DPP10: variants seen among roughly 807,000 people sequenced by gnomAD.
DPP10 encodes inactive dipeptidyl peptidase 10.
Under a neutral mutation model 120.9 loss-of-function variants are expected in DPP10, and 33 were observed. That is an observed-to-expected ratio of 0.27 (90% CI 0.21 to 0.37). DPP10 has a LOEUF of 0.37. Ranked by LOEUF, DPP10 falls within the 10% of genes least tolerant of loss-of-function variation. The probability of loss-of-function intolerance (pLI) is 1.00; values close to 1 mark genes in which losing one functional copy is unlikely to be tolerated. For synonymous variants in DPP10, 337 were observed against 326.1 expected (o/e 1.03, Z -0.36); for missense variants, 816 against 942.8 (o/e 0.87, Z 1.76).
intron 7 of DPP10, among the ~76,000 whole-genome samples, chr2:115,709,634 AAT>A (rs1423119971): frequency 1.3e-5 from 2 of 149,614 alleles, no homozygotes. Context: ...ATAAAAAAAA[AAT>A]TGGATGGGAT....
Position 114,936,861 on chromosome 2 carries a change from C to T in DPP10, c.61-372378C>T, listed in dbSNP as rs143155234. Among the ~76,000 whole-genome samples the T allele has an allele frequency of 9.1e-4, 139 of 152,294 alleles. 1 individual carries two copies. Among genetic ancestry groups the T allele is most frequent in the Middle Eastern group, 3.4e-3 (1 of 294 alleles). On this transcript the variant is annotated intron_variant, in intron 1 of 25. Transcript: ENST00000410059. ...TCATTAGTAATACTGAGCATTTTTA[C>T]ATATGCTTGTTGACCATTTGTATAT...
intron 1 of DPP10, among the ~76,000 whole-genome samples, chr2:114,550,261 G>A (rs1366586246): frequency 6.6e-6 from 1 of 152,168 alleles, no homozygotes; most frequent in Non-Finnish European, 1.5e-5. Context: ...ATAGGACAAA[G>A]GGCCCTCTCC....
chr2:115,134,507 G>A (rs938294569), intron 1 of DPP10, among the ~76,000 whole-genome samples: 1 of 152,136 alleles, frequency 6.6e-6, no homozygotes, highest in African/African-American at 2.4e-5. Context: ...AGTCAGGTAT[G>A]TTTCCTGGCT....
chr2:114,723,388 T>C (rs980895769), intron 1 of DPP10, among the ~76,000 whole-genome samples: 1 of 152,198 alleles, frequency 6.6e-6, no homozygotes, highest in Admixed American at 6.5e-5. Flanking sequence ...ATGATGGTAA[T>C]TGGAAAGATG....
chr2:114,784,180 A>G (rs1682572192), intron 1 of DPP10, among the ~76,000 whole-genome samples: 1 of 152,014 alleles, frequency 6.6e-6, no homozygotes, highest in South Asian at 2.1e-4. Context: ...GTGTCGACTA[A>G]CCTGATCAAA....
At chr2:114,686,890 A>G (rs1385993345) in intron 1 of DPP10, among the ~76,000 whole-genome samples, 1 of 151,970 alleles carries the variant, frequency 6.6e-6, no homozygotes, top group Non-Finnish European at 1.5e-5. Flanking sequence ...ACTTAAAGTC[A>G]TATCCAACTA....
chr2:114,511,525 TAAAAAC>T (rs1684146613), intron 1 of DPP10, among the ~76,000 whole-genome samples: 1 of 152,060 alleles, frequency 6.6e-6, no homozygotes, highest in African/African-American at 2.4e-5. Context: ...GTACAGCAGA[TAAAAAC>T]AAAACAGAAC....
intron 3 of DPP10, among the ~76,000 whole-genome samples, chr2:115,464,808 C>CTAGA (rs946554855): frequency 6.6e-6 from 1 of 152,076 alleles, no homozygotes; most frequent in Non-Finnish European, 1.5e-5. Flanking sequence ...TAGGAGTGAG[C>CTAGA]TAGAGGAGGG....
chr2:115,114,920 A>C (rs1166941649), intron 1 of DPP10, among the ~76,000 whole-genome samples: 1 of 151,950 alleles, frequency 6.6e-6, no homozygotes, highest in African/African-American at 2.4e-5. Flanking sequence ...TGGGACATAA[A>C]TAGTTTGATA....
At chr2:114,461,760 C>G (rs1047784176) in intron 1 of DPP10, 21 of 985,416 alleles carry the variant, frequency 2.1e-5, no homozygotes, top group Middle Eastern at 5.2e-4. Flanking sequence ...GGGCTCAGTG[C>G]TGCCATCCGT....
intron 1 of DPP10, among the ~76,000 whole-genome samples, chr2:114,984,107 G>T (rs991390812): frequency 6.6e-6 from 1 of 152,090 alleles, no homozygotes; most frequent in Non-Finnish European, 1.5e-5. Flanking sequence ...CCAGAACTTG[G>T]ACTTTCTGGC....
intron 5 of DPP10, among the ~76,000 whole-genome samples, chr2:115,555,538 G>T (rs1209076862): frequency 2.0e-5 from 3 of 152,010 alleles, no homozygotes; most frequent in Admixed American, 2.0e-4. Flanking sequence ...CCGTAACGAG[G>T]GTTTTTGTCT....
intron 5 of DPP10, among the ~76,000 whole-genome samples, chr2:115,545,507 C>T (rs2148981996): frequency 6.6e-6 from 1 of 152,082 alleles, no homozygotes; most frequent in Non-Finnish European, 1.5e-5. Flanking sequence ...ATATTTTTTT[C>T]TTTTTAAGTG....
intron 1 of DPP10, among the ~76,000 whole-genome samples, chr2:115,098,437 C>G (rs925634601): frequency 6.6e-6 from 1 of 152,058 alleles, no homozygotes; most frequent in African/African-American, 2.4e-5. Context: ...CTTACGGAAA[C>G]CTAGACTGTA....
intron 1 of DPP10, among the ~76,000 whole-genome samples, chr2:114,994,630 C>T (rs773693003): frequency 2.0e-5 from 3 of 152,200 alleles, no homozygotes; most frequent in Non-Finnish European, 4.4e-5. Flanking sequence ...TTGTCCCTGA[C>T]ACCTATACTT....
At chr2:115,613,107 C>T (rs1372102929) in intron 5 of DPP10, among the ~76,000 whole-genome samples, 5 of 152,124 alleles carry the variant, frequency 3.3e-5, no homozygotes, top group Non-Finnish European at 5.9e-5. Context: ...ACATAACATG[C>T]AGTGGTTTGT....
intron 1 of DPP10, among the ~76,000 whole-genome samples, chr2:114,719,456 A>G (rs1701566223): frequency 6.6e-6 from 1 of 152,172 alleles, no homozygotes; most frequent in African/African-American, 2.4e-5. Flanking sequence ...AGTAGTGTTC[A>G]TGTCCGCTGC....
intron 1 of DPP10, among the ~76,000 whole-genome samples, chr2:114,981,956 C>T (rs529244096): frequency 7.3e-5 from 11 of 151,376 alleles, no homozygotes; most frequent in Admixed American, 5.3e-4. Flanking sequence ...TGCAGTGGCC[C>T]GGATCTCAGC....
intron 1 of DPP10, among the ~76,000 whole-genome samples, chr2:115,117,513 T>C (rs141287062): frequency 7.4e-4 from 113 of 152,212 alleles, no homozygotes; most frequent in African/African-American, 2.6e-3. Flanking sequence ...GAGGATGAGT[T>C]GGTAGGAGCA....
Sources: gnomAD v4.1 joint callset for allele counts (sites outside exome capture counted in the v4.1 genomes callset) on GRCh38, gnomAD v4.1.1 for gene constraint, MANE v1.5 for transcripts, NCBI Gene and HGNC (gene_info 2026-07-23, HGNC 2026-07-21) for gene names.